The following KDM2A variants were observed in gnomAD, a reference collection of about 807,000 sequenced individuals.
KDM2A encodes the protein lysine demethylase 2A, also known as lysine-specific demethylase 2A.
KDM2A carries 3 observed loss-of-function variants against 137.3 expected under a neutral mutation model. The ratio of observed to expected loss-of-function variants is 0.02; its 90% CI spans 0.01 to 0.06. The LOEUF (loss-of-function observed/expected upper bound fraction) is 0.06, where lower values mean the gene tolerates loss of function less well. KDM2A is among the 10% of genes least tolerant of loss of function. The pLI is 1.00. For synonymous variants in KDM2A, 512 were observed against 541.5 expected (o/e 0.95, Z 0.76); for missense variants, 738 against 1,510.6 (o/e 0.49, Z 8.48).
intron 3 of KDM2A, among the ~76,000 whole-genome samples, 165 bp from the exon 4 acceptor site, chr11:67,181,155 T>G (rs577136584): frequency 1.3e-3 from 191 of 152,250 alleles, no homozygotes; most frequent in Non-Finnish European, 2.1e-3. Flanking sequence ...CCATATTTTC[T>G]AAGAGATGCT....
intron 2 of KDM2A, among the ~76,000 whole-genome samples, chr11:67,158,286 G>A (rs1420361066): frequency 1.3e-5 from 2 of 152,144 alleles, no homozygotes; most frequent in Non-Finnish European, 2.9e-5. Context: ...GTTGAATATT[G>A]CATTGTATGG....
At chr11:67,240,031 C>G (rs1295743170) in intron 12 of KDM2A, 12 of 1,302,580 alleles carry the variant, frequency 9.2e-6, no homozygotes, top group Non-Finnish European at 1.1e-5. Flanking sequence ...CTCGGCTCCC[C>G]CTCCTGCCAT....
Position 67,255,143 on chromosome 11 carries a change from G to A in KDM2A, c.*88G>A, listed in dbSNP as rs1859560289. 1 of 1,196,666 alleles carries A rather than the reference G, an allele frequency of 8.4e-7. No homozygotes were observed. Among genetic ancestry groups the A allele is most frequent in the African/African-American group, 1.5e-5 (1 of 65,936 alleles). 74.1% of individuals were successfully genotyped at this position (1,196,666 alleles called of 1,614,324 possible). ...CTCTCCTCGACCCTGCACGGGCTCT[G>A]AGGCCAGCGTCACACTCCCTCTCTG... On this transcript the variant is annotated 3_prime_UTR_variant, in exon 21 of 21. Transcript: ENST00000529006.
chr11:67,159,165 A>G (rs536688458), intron 2 of KDM2A, among the ~76,000 whole-genome samples: 2 of 152,178 alleles, frequency 1.3e-5, no homozygotes, highest in African/African-American at 2.4e-5. Flanking sequence ...ATTTAGGCCT[A>G]TGATCTTTTT....
At chr11:67,126,456 C>T (rs1855733623) in intron 2 of KDM2A, among the ~76,000 whole-genome samples, 1 of 151,758 alleles carries the variant, frequency 6.6e-6, no homozygotes, top group Non-Finnish European at 1.5e-5. Context: ...GCCTGTGATC[C>T]CAGCACTTTG....
chr11:67,225,341 T>A (rs1858506517), intron 10 of KDM2A, among the ~76,000 whole-genome samples: 1 of 152,202 alleles, frequency 6.6e-6, no homozygotes, highest in Non-Finnish European at 1.5e-5. Context: ...TGCGTGATGT[T>A]AACATCATTC....
In KDM2A at chr11:67,203,969, T is replaced by A. The variant is rs190538945; in HGVS notation, c.308-3541T>A. Among the ~76,000 whole-genome samples the A allele has an allele frequency of 6.0e-4, 91 of 151,744 alleles. 3 individuals are homozygous for A. Among genetic ancestry groups the A allele is most frequent in the African/African-American group, 2.1e-3 (85 of 41,370 alleles). Reference sequence around the variant, plus strand: ...CCGCGTACCACCACGCCCAGCTAATTTTTGTATTTTTAGTAGAGATGGGGT... The same window carrying A: ...CCGCGTACCACCACGCCCAGCTAATATTTGTATTTTTAGTAGAGATGGGGT... On this transcript the variant is annotated intron_variant, in intron 5 of 20. Coordinates refer to ENST00000529006, the MANE Select transcript of KDM2A (RefSeq NM_012308.3).
chr11:67,126,267 A>G (rs1855729149), intron 2 of KDM2A, among the ~76,000 whole-genome samples: 1 of 150,900 alleles, frequency 6.6e-6, no homozygotes, highest in Admixed American at 6.6e-5. Flanking sequence ...AAAAAATGGA[A>G]TAACTAGTTT....
At chr11:67,216,559 C>T (rs1858165920) in intron 8 of KDM2A, among the ~76,000 whole-genome samples, 2 of 152,206 alleles carry the variant, frequency 1.3e-5, no homozygotes, top group South Asian at 4.1e-4. Flanking sequence ...TTTTCTCTAA[C>T]TTGCAGTGAA....
intron 5 of KDM2A, chr11:67,195,986 C>T: frequency 4.6e-6 from 2 of 436,112 alleles, no homozygotes; most frequent in South Asian, 1.9e-5. Context: ...GTTGTGATTT[C>T]TTCAAACTTA....
At chr11:67,195,922 C>T in intron 5 of KDM2A, 2 of 399,840 alleles carry the variant, frequency 5.0e-6, no homozygotes, top group South Asian at 2.3e-5. Context: ...ATTTTTCTAC[C>T]ACTTACAGCA....
At position 67,181,315 on chromosome 11, in the gene KDM2A, G is replaced by A. The variant is rs986646054; in HGVS notation, c.182-5G>A. Reference sequence around the variant, plus strand: ...TATCTTTCTAATATTTTCCTATGGTGACAGATTTTAATGTAGAGTATATTC... The same window carrying A: ...TATCTTTCTAATATTTTCCTATGGTAACAGATTTTAATGTAGAGTATATTC... On this transcript the variant is annotated splice_region_variant and splice_polypyrimidine_tract_variant and intron_variant, in intron 3 of 20. Transcript: ENST00000529006. The A allele has an allele frequency of 6.3e-7, 1 of 1,591,766 alleles. No homozygotes were observed. Among genetic ancestry groups the A allele is most frequent in the Non-Finnish European group, 8.6e-7 (1 of 1,162,818 alleles).
intron 2 of KDM2A, among the ~76,000 whole-genome samples, chr11:67,160,230 G>A (rs978407515): frequency 6.6e-6 from 1 of 152,180 alleles, no homozygotes; most frequent in African/African-American, 2.4e-5. Flanking sequence ...ATTGCCATCA[G>A]TAGAGTTTGT....
intron 2 of KDM2A, among the ~76,000 whole-genome samples, chr11:67,173,303 G>A (rs1254076385): frequency 6.6e-6 from 1 of 152,200 alleles, no homozygotes; most frequent in Non-Finnish European, 1.5e-5. Flanking sequence ...CGTATTTTTA[G>A]TAGAGACGGG....
At chr11:67,226,944 G>GT (rs1269430219) in intron 10 of KDM2A, among the ~76,000 whole-genome samples, 1 of 151,656 alleles carries the variant, frequency 6.6e-6, no homozygotes, top group African/African-American at 2.4e-5. Flanking sequence ...GTCTCTAAAA[G>GT]TTAAAAAAAA....
At chr11:67,152,375 G>C (rs1856411974) in intron 2 of KDM2A, among the ~76,000 whole-genome samples, 1 of 151,964 alleles carries the variant, frequency 6.6e-6, no homozygotes, top group Non-Finnish European at 1.5e-5. Flanking sequence ...CAAGTATTTT[G>C]CGAGGCTGAG....
At chr11:67,134,125 G>A (rs1855920343) in intron 2 of KDM2A, among the ~76,000 whole-genome samples, 1 of 152,240 alleles carries the variant, frequency 6.6e-6, no homozygotes, top group African/African-American at 2.4e-5. Flanking sequence ...TTACCAGGAA[G>A]ACTGGGGGAA....
chr11:67,210,916 C>T (rs1466823079), intron 6 of KDM2A, among the ~76,000 whole-genome samples: 2 of 152,046 alleles, frequency 1.3e-5, no homozygotes, highest in Non-Finnish European at 2.9e-5. Context: ...CCAAGGTGGG[C>T]GTATCACTTG....
intron 12 of KDM2A, among the ~76,000 whole-genome samples, chr11:67,238,210 G>A (rs1212751036): frequency 2.6e-5 from 4 of 152,054 alleles, no homozygotes; most frequent in Non-Finnish European, 5.9e-5. Flanking sequence ...GTTAGGCCTT[G>A]TTTAATTTGT....
Sources: gnomAD v4.1 joint callset for allele counts (sites outside exome capture counted in the v4.1 genomes callset) on GRCh38, gnomAD v4.1.1 for gene constraint, MANE v1.5 for transcripts, NCBI Gene and HGNC (gene_info 2026-07-23, HGNC 2026-07-21) for gene names.